CRLF2: variants seen among roughly 807,000 people sequenced by gnomAD.
CRLF2 encodes cytokine receptor like factor 2.
CRLF2 carries 41 observed loss-of-function variants against 38.7 expected under a neutral mutation model. That is an observed-to-expected ratio of 1.06 (90% CI 0.83 to 1.37). CRLF2 has a LOEUF of 1.37. Ranked by LOEUF, CRLF2 falls within the 40% of genes most tolerant of loss-of-function variation. CRLF2 has a pLI of 0.00. For missense variants in CRLF2, 377 were observed against 322.2 expected (o/e 1.17, Z -1.30); for synonymous variants, 140 against 128.8 (o/e 1.09, Z -0.59).
At chrX:1,192,511 G>A (rs1435898537) in intron 7 of CRLF2, among the ~76,000 whole-genome samples, 14 of 151,956 alleles carry the variant, frequency 9.2e-5, no homozygotes, top group African/African-American at 2.9e-4. Context: ...AGCTACTCAG[G>A]AGGCTGAGGC....
Position 1,211,881 on chromosome X carries a change from ATGGG to A in CRLF2, c.79+671_79+674del, listed in dbSNP as rs1569474316. Among the ~76,000 whole-genome samples the A allele has an allele frequency of 2.5e-4, 20 of 79,576 alleles. 1 individual carries two copies. The highest frequency in any genetic ancestry group is 1.3e-3 in the African/African-American group (19 of 14,170). The allele number at this position is 79,576 out of a possible 152,430, so 52.2% of individuals were successfully genotyped here. The stretch of plus-strand genomic sequence containing the variant: ...GATGGATGGATGTATTGGTAGATGG[ATGGG>A]TGGATGGGTGGATGGATGGATGGAT... On this transcript the variant is annotated intron_variant, in intron 1 of 7. Coordinates refer to ENST00000400841, the MANE Select transcript of CRLF2 (RefSeq NM_022148.4).
intron 7 of CRLF2, among the ~76,000 whole-genome samples, chrX:1,191,719 C>T (rs1348244296): frequency 1.3e-4 from 19 of 151,332 alleles, no homozygotes; most frequent in Non-Finnish European, 1.8e-4. Context: ...TTAGTAGAGA[C>T]GGGGTTTCAC....
intron 7 of CRLF2, among the ~76,000 whole-genome samples, chrX:1,192,527 A>G (rs1478490611): frequency 1.2e-3 from 179 of 151,880 alleles, no homozygotes; most frequent in African/African-American, 4.2e-3. Flanking sequence ...GAGGCAGGAG[A>G]ATCATTTGAC....
chrX:1,201,332 TTGTGTGTCTGTGTGTGTG>T (rs2147839289), intron 4 of CRLF2, among the ~76,000 whole-genome samples: 1 of 122,086 alleles, frequency 8.2e-6, no homozygotes, highest in East Asian at 3.2e-4. Flanking sequence ...GTGCCTGTGT[TTGTGTGTCTGTGTGTGTG>T]TGTGTGTAGA....
intron 6 of CRLF2, 93 bp downstream of exon 6, chrX:1,196,687 A>C: frequency 6.8e-7 from 1 of 1,480,964 alleles, no homozygotes; most frequent in Non-Finnish European, 9.1e-7. Context: ...GGCCCAGGGA[A>C]ATGACTCTAT....
chrX:1,191,306 T>TTTCTTTCTTTC (rs1438648931), intron 7 of CRLF2, 146 bp from the exon 8 acceptor site: 9 of 208,758 alleles, frequency 4.3e-5, no homozygotes, highest in African/African-American at 3.0e-4. Flanking sequence ...TCTTTCTTTC[T>TTTCTTTCTTTC]TTCTTTCTTT....
At chrX:1,191,295 C>CTCTTTCTTTCTTTT in intron 7 of CRLF2, 135 bp from the exon 8 acceptor site, 1 of 329,052 alleles carries the variant, frequency 3.0e-6, no homozygotes, top group Middle Eastern at 7.3e-4. Context: ...CTTTTCTTTT[C>CTCTTTCTTTCTTTT]TCTTTCTTTC....
intron 1 of CRLF2, among the ~76,000 whole-genome samples, chrX:1,209,623 G>T (rs1160655200): frequency 1.3e-5 from 2 of 152,056 alleles, no homozygotes; most frequent in Admixed American, 6.6e-5. Context: ...GAGCCACCGC[G>T]CCCGGCTGCT....
intron 3 of CRLF2, among the ~76,000 whole-genome samples, chrX:1,205,314 T>G (rs2086672982): frequency 6.6e-6 from 1 of 152,176 alleles, no homozygotes; most frequent in Admixed American, 6.5e-5. Flanking sequence ...TTTTCAGAAC[T>G]TAACTGAAAG....
At chrX:1,200,416 CTGTGTATATG>C (rs1156652238) in intron 4 of CRLF2, among the ~76,000 whole-genome samples, 2 of 111,494 alleles carry the variant, frequency 1.8e-5, no homozygotes, top group African/African-American at 6.1e-5. Flanking sequence ...TGTATATAAG[CTGTGTATATG>C]TGTGTATATG....
intron 3 of CRLF2, among the ~76,000 whole-genome samples, chrX:1,203,013 G>A (rs1288892661): frequency 3.5e-5 from 5 of 143,878 alleles, no homozygotes; most frequent in African/African-American, 1.0e-4. Context: ...CAGGAGAATC[G>A]CTTGAACCGG....
chrX:1,193,024 G>T (rs1392030038), intron 7 of CRLF2, among the ~76,000 whole-genome samples, 194 bp downstream of exon 7: 13 of 151,642 alleles, frequency 8.6e-5, no homozygotes, highest in Non-Finnish European at 1.5e-4. Context: ...TGTTGGCCAG[G>T]CTGGTCTCGA....
intron 5 of CRLF2, among the ~76,000 whole-genome samples, chrX:1,198,141 C>A: frequency 7.0e-6 from 1 of 143,202 alleles, no homozygotes; most frequent in East Asian, 2.1e-4. Context: ...GGCAGGACAC[C>A]CTCCCTCCCA....
Position 1,206,455 on chromosome X carries a change from T to TG in CRLF2, c.326dup (p.Ser110LysfsTer31). ...TACGGTAATAAACCATCCAGCGACTTGCGGTGAAAACGGGGTGCGTCCCAT... is the reference window on the plus strand; with the variant it reads ...TACGGTAATAAACCATCCAGCGACTTGGCGGTGAAAACGGGGTGCGTCCCAT... On this transcript the variant is annotated frameshift_variant, in exon 3 of 8. Coordinates refer to ENST00000400841, the MANE Select transcript of CRLF2 (RefSeq NM_022148.4). LOFTEE classifies it high-confidence loss of function. The TG allele has an allele frequency of 6.2e-7, 1 of 1,613,476 alleles. No homozygotes were observed. The highest frequency in any genetic ancestry group is 8.5e-7 in the Non-Finnish European group (1 of 1,179,634).
chrX:1,193,677 G>A (rs2086431998), intron 6 of CRLF2, among the ~76,000 whole-genome samples: 1 of 151,512 alleles, frequency 6.6e-6, no homozygotes, highest in Admixed American at 6.6e-5. Flanking sequence ...AGCTACTCGG[G>A]AGGCTGAGGC....
At chrX:1,198,813 A>T in intron 4 of CRLF2, 89 bp from the exon 5 acceptor site, 1 of 1,298,312 alleles carries the variant, frequency 7.7e-7, no homozygotes, top group Non-Finnish European at 1.1e-6. Context: ...GTCTGTCCAG[A>T]GTTTTCCTTC....
chrX:1,204,096 A>AAAAAAAAAAAAGAG lies in CRLF2; in HGVS notation c.350-1562_350-1561insCTCTTTTTTTTTTT, dbSNP rs370190016. On this transcript the variant is annotated intron_variant, in intron 3 of 7. Coordinates refer to ENST00000400841, the MANE Select transcript of CRLF2 (RefSeq NM_022148.4). ...GAGCAAGACCCTCTCTCTCAAAAAAAAGAGAGAACATCCAGTGAGTGGGAT... is the reference window on the plus strand; with the variant it reads ...GAGCAAGACCCTCTCTCTCAAAAAAAAAAAAAAAAAAGAGAGAGAGAACATCCAGTGAGTGGGAT... Among the ~76,000 whole-genome samples the AAAAAAAAAAAAGAG allele has an allele frequency of 2.2e-5, 3 of 133,442 alleles. No individual in the cohort carries two copies. The Admixed American group carries it at 2.4e-4, about 11-fold the overall frequency. The allele number at this position is 133,442 out of a possible 152,430, so 87.5% of individuals were successfully genotyped here. A position where few individuals can be genotyped will look rare whatever the true frequency, so the allele number is the denominator to read the frequency against.
At chrX:1,196,572 T>TA (rs2086479439) in intron 6 of CRLF2, among the ~76,000 whole-genome samples, 1 of 151,918 alleles carries the variant, frequency 6.6e-6, no homozygotes, top group Non-Finnish European at 1.5e-5. Context: ...CTGCCTGCCT[T>TA]GGTCTCCCCA....
intron 3 of CRLF2, 27 bp from the exon 4 acceptor site, chrX:1,202,562 C>T (rs375467389): frequency 2.2e-5 from 35 of 1,613,534 alleles, no homozygotes; most frequent in African/African-American, 1.9e-4. Flanking sequence ...ACGGAAGCGA[C>T]GTCCCTCCTC....
Sources: gnomAD v4.1 joint callset for allele counts (sites outside exome capture counted in the v4.1 genomes callset) on GRCh38, gnomAD v4.1.1 for gene constraint, MANE v1.5 for transcripts, NCBI Gene and HGNC (gene_info 2026-07-23, HGNC 2026-07-21) for gene names.